Variants in BRWD1 observed in about 807,000 individuals in gnomAD.
The protein encoded by BRWD1 is bromodomain and WD repeat-containing protein 1.
BRWD1 carries 82 observed loss-of-function variants against 251.2 expected under a neutral mutation model. That is an observed-to-expected ratio of 0.33 (90% CI 0.27 to 0.39). The LOEUF is 0.39. Ranked by LOEUF, BRWD1 falls within the 10% of genes least tolerant of loss-of-function variation. BRWD1 has a pLI of 1.00. For synonymous variants in BRWD1, 918 were observed against 902.8 expected (o/e 1.02, Z -0.30); for missense variants, 2,233 against 2,711.6 (o/e 0.82, Z 3.92).
intron 8 of BRWD1, among the ~76,000 whole-genome samples, chr21:39,287,878 A>C (rs1409703187): frequency 2.6e-5 from 4 of 152,334 alleles, no homozygotes; most frequent in African/African-American, 9.6e-5. Flanking sequence ...CCTTCAGCAC[A>C]ACTTCAGAAG....
At chr21:39,286,021 T>TTTTTTTTTC (rs1483899993) in intron 8 of BRWD1, among the ~76,000 whole-genome samples, 1 of 135,280 alleles carries the variant, frequency 7.4e-6, no homozygotes, top group African/African-American at 2.8e-5. Flanking sequence ...ATGAACTTTT[T>TTTTTTTTTC]TTTTTTTTTT....
intron 20 of BRWD1, among the ~76,000 whole-genome samples, chr21:39,248,641 C>CAAAAA (rs375430016): frequency 2.6e-4 from 22 of 83,288 alleles, no homozygotes; most frequent in East Asian, 2.0e-3. Flanking sequence ...CCCTATCTCC[C>CAAAAA]AAAAAAAAAA....
At chr21:39,236,866 CAG>C in intron 22 of BRWD1, 82 bp from the exon 23 acceptor site, 4 of 1,271,204 alleles carry the variant, frequency 3.1e-6, no homozygotes, top group East Asian at 2.3e-5. Flanking sequence ...ATTGAGGGAA[CAG>C]AGAGAGGAGA....
intron 8 of BRWD1, among the ~76,000 whole-genome samples, chr21:39,287,507 T>C (rs536751786): frequency 3.4e-4 from 52 of 152,250 alleles, no homozygotes; most frequent in African/African-American, 1.2e-3. Flanking sequence ...TCTTTTTGTG[T>C]CTTGTTTTTC....
chr21:39,228,148 C>A (rs1250391952), intron 27 of BRWD1, among the ~76,000 whole-genome samples: 1 of 151,902 alleles, frequency 6.6e-6, no homozygotes, highest in African/African-American at 2.4e-5. Context: ...ATTAGCCGGG[C>A]GTAGTGGCGC....
chr21:39,206,378 T>C (rs1463166929), intron 36 of BRWD1, 104 bp from the exon 37 acceptor site: 1 of 840,428 alleles, frequency 1.2e-6, no homozygotes, highest in Non-Finnish European at 1.8e-6. Context: ...TATCACTGCT[T>C]ATAGGTAATG....
At position 39,191,120 on chromosome 21, in the gene BRWD1, G is replaced by A. The variant is rs1042794379; in HGVS notation, c.*5139C>T. On this transcript the variant is annotated 3_prime_UTR_variant, in exon 41 of 41. Coordinates refer to ENST00000342449, the MANE Select transcript of BRWD1 (RefSeq NM_033656.4). ...ACCTTAAGAGCATTTCACACTAAAT[G>A]CAGGCAGAATCAGAAGTAAATACTT... 1.0e-6 allele frequency: 1 copy of A among 985,276 alleles called. No individual in the cohort carries two copies. Among genetic ancestry groups the A allele is most frequent in the Non-Finnish European group, 1.2e-6 (1 of 829,872 alleles). The allele number at this position is 985,276 out of a possible 1,614,324, so 61.0% of individuals were successfully genotyped here. A position where few individuals can be genotyped will look rare whatever the true frequency, so the allele number is the denominator to read the frequency against.
At chr21:39,211,721 C>T (rs2032666848) in intron 34 of BRWD1, among the ~76,000 whole-genome samples, 1 of 152,072 alleles carries the variant, frequency 6.6e-6, no homozygotes, top group African/African-American at 2.4e-5. Context: ...ATACTAAACA[C>T]TTGGGAGTCT....
chr21:39,275,375 T>C (rs777275782), intron 12 of BRWD1, among the ~76,000 whole-genome samples: 25 of 152,246 alleles, frequency 1.6e-4, no homozygotes, highest in Non-Finnish European at 2.8e-4. Flanking sequence ...TTACACATAA[T>C]TTTTTCAGTA....
Position 39,312,806 on chromosome 21 carries a change from G to A in BRWD1, c.198+35C>T. ...GGGGCGGGGGCGGGGGGCGGTGCAC[G>A]GAAAACCCGGGGAGCAAACGTGCCC... On this transcript the variant is annotated intron_variant, in intron 4 of 40. Coordinates refer to ENST00000342449, the MANE Select transcript of BRWD1 (RefSeq NM_033656.4). 4 of 1,565,558 alleles carry A rather than the reference G, an allele frequency of 2.6e-6. No homozygotes were observed. The South Asian group carries it at 3.4e-5, about 13-fold the overall frequency.
chr21:39,282,235 T>A (rs565293049), intron 8 of BRWD1, among the ~76,000 whole-genome samples: 40 of 152,170 alleles, frequency 2.6e-4, no homozygotes, highest in African/African-American at 9.1e-4. Flanking sequence ...AGAGTGAGAC[T>A]CTGTCTCAAA....
At chr21:39,303,690 G>A (rs145774669) in intron 4 of BRWD1, among the ~76,000 whole-genome samples, 1 of 151,756 alleles carries the variant, frequency 6.6e-6, no homozygotes, top group East Asian at 1.9e-4. Flanking sequence ...AGGTGTGGTG[G>A]TGCATGCCTG....
At chr21:39,302,835 G>T (rs1205218888) in intron 4 of BRWD1, among the ~76,000 whole-genome samples, 1 of 150,474 alleles carries the variant, frequency 6.6e-6, no homozygotes, top group East Asian at 2.0e-4. Context: ...CCAGACAGGC[G>T]GATCACTTGA....
At chr21:39,268,559 A>T (rs150943029) in intron 15 of BRWD1, among the ~76,000 whole-genome samples, 9 of 152,162 alleles carry the variant, frequency 5.9e-5, no homozygotes, top group African/African-American at 1.7e-4. Flanking sequence ...TTAAAAAACT[A>T]TAACAATCTA....
intron 19 of BRWD1, among the ~76,000 whole-genome samples, chr21:39,252,180 T>C (rs1409143769): frequency 6.9e-6 from 1 of 144,962 alleles, no homozygotes; most frequent in Non-Finnish European, 1.5e-5. Flanking sequence ...ACCAGGGAGG[T>C]GGAGGCTGAA....
At chr21:39,314,210 C>G (rs1259217068), upstream of BRWD1, 5 of 455,698 alleles carry the variant, frequency 1.1e-5, no homozygotes, top group East Asian at 7.0e-5. Context: ...GAACGCCGCC[C>G]GGACCCGCGC....
chr21:39,286,664 G>A (rs34672724), intron 8 of BRWD1, among the ~76,000 whole-genome samples: 46,529 of 151,574 alleles, frequency 0.31, 7,590 homozygotes, highest in Middle Eastern at 0.36. Flanking sequence ...ACAGGTGCCC[G>A]CCACCATGCC....
chr21:39,207,281 A>G (rs2146484875), intron 36 of BRWD1, among the ~76,000 whole-genome samples: 1 of 152,202 alleles, frequency 6.6e-6, no homozygotes, highest in Non-Finnish European at 1.5e-5. Context: ...CTAAAAATAC[A>G]ATAATTAGCC....
intron 1 of BRWD1, 59 bp from the exon 2 acceptor site, chr21:39,313,358 A>C (rs35182074): frequency 0.47 from 687,142 of 1,460,886 alleles, 162,560 homozygotes; most frequent in African/African-American, 0.59. Flanking sequence ...GGACGGGGCC[A>C]GGGGAGCCGG....
Sources: gnomAD v4.1 joint callset for allele counts (sites outside exome capture counted in the v4.1 genomes callset) on GRCh38, gnomAD v4.1.1 for gene constraint, MANE v1.5 for transcripts, NCBI Gene and HGNC (gene_info 2026-07-23, HGNC 2026-07-21) for gene names.